LARGE1: variants seen among roughly 807,000 people sequenced by gnomAD.
The protein encoded by LARGE1 is xylosyl- and glucuronyltransferase LARGE1.
LARGE1 carries 43 observed loss-of-function variants against 87.6 expected under a neutral mutation model. That is an observed-to-expected ratio of 0.49 (90% confidence interval 0.38 to 0.63). The LOEUF is 0.63. Among genes scored for constraint, LARGE1 ranks in the 30% least tolerant of loss-of-function variants. LARGE1 has a pLI of 0.00. For synonymous variants in LARGE1, 434 were observed against 394.6 expected, an observed-to-expected ratio of 1.10 and a Z score of -1.18; for missense variants, 802 against 1,000.2, an observed-to-expected ratio of 0.80 and a Z score of 2.67.
At chr22:33,297,605 G>A (rs1405511626) in intron 12 of LARGE1, among the ~76,000 whole-genome samples, 25 of 121,862 alleles carry the variant, frequency 2.1e-4, no homozygotes, top group African/African-American at 8.3e-4. Flanking sequence ...ATAAGACTCC[G>A]TCTCAAAAAA....
At chr22:33,827,976 AG>A (rs150321280) in intron 1 of LARGE1, among the ~76,000 whole-genome samples, 4,598 of 152,342 alleles carry the variant, frequency 0.03, 90 homozygotes, top group Middle Eastern at 0.054. Context: ...GACTTAGCCC[AG>A]GGAGCAGAAG....
At chr22:33,330,115 C>T (rs371410530) in intron 10 of LARGE1, among the ~76,000 whole-genome samples, 1 of 152,178 alleles carries the variant, frequency 6.6e-6, no homozygotes, top group East Asian at 1.9e-4. Flanking sequence ...AACAATTTAG[C>T]ATCTGGAGCT....
intron 6 of LARGE1, among the ~76,000 whole-genome samples, chr22:33,536,146 T>C (rs985758607): frequency 3.3e-5 from 5 of 152,282 alleles, no homozygotes; most frequent in African/African-American, 1.2e-4. Context: ...GTCATTTTGT[T>C]TGGAAAGAGA....
chr22:33,274,593 T>C lies in LARGE1; in HGVS notation c.2105A>G (p.Tyr702Cys), dbSNP rs778076605. The change falls in exon 15 of 15, where the codon TAC (tyrosine) becomes TGC (cysteine). Residue 702 changes from tyrosine (Y) to cysteine (C), a missense_variant. Physicochemically the swap from Tyr to Cys is radical, Grantham distance 194. Coordinates refer to ENST00000397394, the MANE Select transcript of LARGE1 (RefSeq NM_133642.5). ...GGGGGCATGAGGCATGTGGATCATG[T>C]AGGCGTTGGGCAGCACAATGAACTC... ...EYEFIVLPNA[Y>C]MIHMPHAPSF... 2 of 1,613,998 alleles carry C rather than the reference T, an allele frequency of 1.2e-6. No homozygotes were observed. The highest frequency in any genetic ancestry group is 8.5e-7 in the Non-Finnish European group (1 of 1,180,018).
At chr22:33,753,459 C>G (rs1317331994) in intron 2 of LARGE1, among the ~76,000 whole-genome samples, 6 of 152,114 alleles carry the variant, frequency 3.9e-5, no homozygotes, top group Admixed American at 3.3e-4. Context: ...AAGGAACCAG[C>G]CTTGCCAACA....
chr22:33,313,133 C>T (rs1935787749), intron 11 of LARGE1, among the ~76,000 whole-genome samples: 1 of 152,130 alleles, frequency 6.6e-6, no homozygotes, highest in Admixed American at 6.5e-5. Context: ...TATTTGATCT[C>T]CTCTTTCTCC....
intron 6 of LARGE1, among the ~76,000 whole-genome samples, chr22:33,473,775 T>C (rs955546035): frequency 6.6e-6 from 1 of 152,094 alleles, no homozygotes; most frequent in Non-Finnish European, 1.5e-5. Context: ...CACAAGGTGC[T>C]GGGCATATGA....
chr22:33,237,782 G>A (rs1202061463), intron 11 of LARGE1, among the ~76,000 whole-genome samples: 1 of 152,158 alleles, frequency 6.6e-6, no homozygotes, highest in African/African-American at 2.4e-5. Context: ...ATATCCAGAG[G>A]TGCCTGGCCC....
At chr22:33,643,167 T>C (rs969621012) in intron 3 of LARGE1, among the ~76,000 whole-genome samples, 17 of 151,944 alleles carry the variant, frequency 1.1e-4, no homozygotes, top group African/African-American at 4.1e-4. Context: ...CCTCAGCAAA[T>C]GCAAAGAACA....
At chr22:33,840,269 A>T (rs2063239978) in intron 1 of LARGE1, among the ~76,000 whole-genome samples, 1 of 152,230 alleles carries the variant, frequency 6.6e-6, no homozygotes, top group Non-Finnish European at 1.5e-5. Context: ...TAGGAAAAAT[A>T]ATAGAATCCA....
chr22:33,404,794 G>A (rs1206053424), intron 7 of LARGE1, among the ~76,000 whole-genome samples: 1 of 152,206 alleles, frequency 6.6e-6, no homozygotes, highest in Admixed American at 6.5e-5. Flanking sequence ...CCAAGTAAGG[G>A]GGAAGGGGGT....
At chr22:33,080,794 T>G in the LARGE1 span, among the ~76,000 whole-genome samples, 2 of 152,236 alleles carry the variant, frequency 1.3e-5, no homozygotes, top group African/African-American at 4.8e-5. Flanking sequence ...TACTCTTAAC[T>G]GCTGTCCATA....
rs530415058 is a variant in LARGE1 at position 33,756,637 on chromosome 22, C to A, written c.106+4734G>T. Among the ~76,000 whole-genome samples, 3 of 152,180 alleles carry A rather than the reference C, an allele frequency of 2.0e-5. No homozygotes were observed. In the South Asian group the frequency reaches 6.2e-4, roughly 32 times the overall value. On this transcript the variant is annotated intron_variant, in intron 2 of 14. Transcript: ENST00000397394. ...TACACCAGGACTTAAAAGAATCTGG[C>A]GTGGCTGGGTAGAGGATGCCAGATA...
intron 11 of LARGE1, among the ~76,000 whole-genome samples, chr22:33,250,917 T>C (rs1926984824): frequency 6.6e-6 from 1 of 152,208 alleles, no homozygotes; most frequent in Admixed American, 6.5e-5. Flanking sequence ...GTTTAGGATT[T>C]TTGTATTTAT....
chr22:33,241,023 GTAT>G (rs1926485733), intron 11 of LARGE1, among the ~76,000 whole-genome samples: 1 of 152,142 alleles, frequency 6.6e-6, no homozygotes, highest in Non-Finnish European at 1.5e-5. Context: ...TATCTACTTA[GTAT>G]TATAATTTCT....
chr22:33,466,864 T>C (rs186543888), intron 6 of LARGE1, among the ~76,000 whole-genome samples: 183 of 152,114 alleles, frequency 1.2e-3, no homozygotes, highest in Non-Finnish European at 2.1e-3. Flanking sequence ...CATGTTGAAA[T>C]GCAGTCTCTA....
At chr22:33,602,904 A>G (rs577151205) in intron 5 of LARGE1, among the ~76,000 whole-genome samples, 2 of 152,332 alleles carry the variant, frequency 1.3e-5, no homozygotes, top group Admixed American at 6.5e-5. Flanking sequence ...TGGTGAACAC[A>G]GCGGCAGAGG....
At chr22:33,586,150 A>AT (rs904999653) in intron 5 of LARGE1, among the ~76,000 whole-genome samples, 8 of 152,014 alleles carry the variant, frequency 5.3e-5, no homozygotes, top group African/African-American at 1.9e-4. Flanking sequence ...TTGAGTTTTC[A>AT]TTTTTTTCCG....
intron 6 of LARGE1, among the ~76,000 whole-genome samples, chr22:33,533,905 C>T (rs1216268289): frequency 4.0e-5 from 6 of 148,892 alleles, no homozygotes; most frequent in East Asian, 3.9e-4. Context: ...TTTTTTTGGA[C>T]GTTTTCCGCT....
Sources: allele counts gnomAD v4.1 joint callset (sites outside exome capture counted in the v4.1 genomes callset), GRCh38; gene constraint gnomAD v4.1.1; transcripts MANE v1.5; gene names NCBI Gene and HGNC (gene_info 2026-07-23, HGNC 2026-07-21).